The following SLC8A1 variants were observed in gnomAD, a reference collection of about 807,000 sequenced individuals.
SLC8A1 encodes sodium/calcium exchanger 1.
A neutral mutation model predicts 68.3 loss-of-function variants in SLC8A1; 18 were observed. The ratio of observed to expected loss-of-function variants is 0.26; its 90% CI spans 0.18 to 0.39. The LOEUF is 0.39. SLC8A1 is among the 10% of genes least tolerant of loss of function. SLC8A1 has a pLI of 1.00. For synonymous variants in SLC8A1, 475 were observed against 415.5 expected (o/e 1.14, Z -1.74); for missense variants, 985 against 1,156.7 (o/e 0.85, Z 2.15).
chr2:40,306,244 A>G (rs2072567007), intron 2 of SLC8A1, among the ~76,000 whole-genome samples: 1 of 152,214 alleles, frequency 6.6e-6, no homozygotes, highest in Non-Finnish European at 1.5e-5. Flanking sequence ...GCAGCTCTAA[A>G]TCTCAGCCCC....
intron 2 of SLC8A1, among the ~76,000 whole-genome samples, chr2:40,417,037 C>A (rs1412969170): frequency 6.6e-6 from 1 of 152,054 alleles, no homozygotes; most frequent in Non-Finnish European, 1.5e-5. Context: ...GAGGTCTCTG[C>A]AAAGGAGCAT....
chr2:40,450,348 G>A (rs1039824540), intron 1 of SLC8A1, among the ~76,000 whole-genome samples: 1 of 123,466 alleles, frequency 8.1e-6, no homozygotes. Context: ...GAGAAAGCAT[G>A]TGAGTGTGTG....
intron 7 of SLC8A1, among the ~76,000 whole-genome samples, chr2:40,119,735 T>C (rs1292493804): frequency 6.6e-6 from 1 of 152,232 alleles, no homozygotes; most frequent in African/African-American, 2.4e-5. Flanking sequence ...TTTTCCTTCA[T>C]CTATGTCCCT....
chr2:40,101,378 G>A (rs2033882940), exon 8 of SLC8A1: 1 of 152,226 alleles, frequency 6.6e-6, no homozygotes, highest in South Asian at 2.1e-4. Context: ...GTATAATTTA[G>A]TACTGTTACA....
At chr2:40,145,726 G>C (rs1179795174) in intron 6 of SLC8A1, among the ~76,000 whole-genome samples, 4 of 152,158 alleles carry the variant, frequency 2.6e-5, no homozygotes, top group Admixed American at 2.6e-4. Context: ...TCCCTAGTTT[G>C]CATCTGTATA....
chr2:40,170,372 AATC>A, intron 4 of SLC8A1, 23 bp from the exon 7 acceptor site: 1 of 1,602,738 alleles, frequency 6.2e-7, no homozygotes, highest in Non-Finnish European at 8.5e-7. Flanking sequence ...CAGGCAGAAA[AATC>A]AGCAGAATGG....
intron 2 of SLC8A1, among the ~76,000 whole-genome samples, chr2:40,284,924 A>T (rs2068072831): frequency 6.6e-6 from 1 of 152,116 alleles, no homozygotes; most frequent in Non-Finnish European, 1.5e-5. Context: ...TCTGATGGTT[A>T]TCTGAGCAGG....
At chr2:40,251,008 A>G (rs1288739802) in intron 2 of SLC8A1, 1 of 152,126 alleles carries the variant, frequency 6.6e-6, no homozygotes, top group African/African-American at 2.4e-5. Flanking sequence ...AGTCTACAGA[A>G]CTCGGGAGAG....
intron 2 of SLC8A1, among the ~76,000 whole-genome samples, chr2:40,329,848 A>G (rs1021121664): frequency 1.3e-5 from 2 of 152,172 alleles, no homozygotes; most frequent in African/African-American, 4.8e-5. Flanking sequence ...AGATCCTAGC[A>G]TAAAAATAAC....
intron 2 of SLC8A1, among the ~76,000 whole-genome samples, chr2:40,345,510 C>G (rs1668969722): frequency 6.6e-6 from 1 of 151,978 alleles, no homozygotes. Context: ...CCTTTCAGCT[C>G]TGAGATGGAC....
chr2:40,332,495 A>G (rs1213160799), intron 2 of SLC8A1, among the ~76,000 whole-genome samples: 2 of 152,136 alleles, frequency 1.3e-5, no homozygotes, highest in African/African-American at 4.8e-5. Context: ...CATTTTAATG[A>G]AAGAACTCCA....
At chr2:40,258,322 C>A (rs1405122077) in intron 2 of SLC8A1, among the ~76,000 whole-genome samples, 1 of 152,164 alleles carries the variant, frequency 6.6e-6, no homozygotes, top group East Asian at 1.9e-4. Context: ...AGAGCAAGAA[C>A]AAAGTACTTC....
intron 4 of SLC8A1, among the ~76,000 whole-genome samples, chr2:40,168,882 A>G (rs1224241423): frequency 6.6e-6 from 1 of 152,228 alleles, no homozygotes; most frequent in Non-Finnish European, 1.5e-5. Flanking sequence ...ACATAACATC[A>G]TAGTCTTAAC....
upstream of SLC8A1, among the ~76,000 whole-genome samples, chr2:40,454,845 G>T (rs750434062): frequency 2.0e-5 from 3 of 152,216 alleles, no homozygotes; most frequent in Non-Finnish European, 4.4e-5. Context: ...TGCATCACAG[G>T]CACAAGGCTG....
chr2:40,297,495 C>T (rs1240498053), intron 2 of SLC8A1, among the ~76,000 whole-genome samples: 1 of 152,128 alleles, frequency 6.6e-6, no homozygotes, highest in Non-Finnish European at 1.5e-5. Context: ...TTTTGTAACT[C>T]AGTAGTTTTC....
exon 8 of SLC8A1, chr2:40,106,703 T>C (rs968724792): frequency 6.6e-6 from 1 of 152,226 alleles, no homozygotes; most frequent in African/African-American, 2.4e-5. Context: ...ATAACAGTTG[T>C]AGTTAAAAAT....
chr2:40,181,515 T>C (rs2049561970), intron 2 of SLC8A1, among the ~76,000 whole-genome samples: 1 of 152,218 alleles, frequency 6.6e-6, no homozygotes, highest in Non-Finnish European at 1.5e-5. Context: ...CATAATGGCA[T>C]ATCATTTCAA....
chr2:40,357,148 A>G (rs1427332648), intron 2 of SLC8A1, among the ~76,000 whole-genome samples: 1 of 152,212 alleles, frequency 6.6e-6, no homozygotes, highest in East Asian at 1.9e-4. Flanking sequence ...GTGTATTTTG[A>G]TAATAGTCAC....
intron 2 of SLC8A1, among the ~76,000 whole-genome samples, chr2:40,374,089 A>C (rs1679027066): frequency 6.6e-6 from 1 of 152,150 alleles, no homozygotes; most frequent in African/African-American, 2.4e-5. Flanking sequence ...AAATCCACTG[A>C]GGATTAAAAC....
Sources: allele counts gnomAD v4.1 joint callset (sites outside exome capture counted in the v4.1 genomes callset), GRCh38; gene constraint gnomAD v4.1.1; transcripts MANE v1.5; gene names NCBI Gene and HGNC (gene_info 2026-07-23, HGNC 2026-07-21).